The following ADAM18 variants were observed in gnomAD, a reference collection of about 807,000 sequenced individuals.
The protein encoded by ADAM18 is ADAM metallopeptidase domain 18, also known as disintegrin and metalloproteinase domain-containing protein 18.
A neutral mutation model predicts 94.4 loss-of-function variants in ADAM18; 117 were observed. The observed-to-expected ratio is 1.24, with a 90% CI of 1.07 to 1.45. The LOEUF (loss-of-function observed/expected upper bound fraction) is 1.45. Among genes scored for constraint, ADAM18 ranks in the 40% most tolerant of loss-of-function variants. ADAM18 has a pLI of 0.00. For synonymous variants in ADAM18, 327 were observed against 291.6 expected (o/e 1.12, Z -1.24); for missense variants, 936 against 880.0 (o/e 1.06, Z -0.81).
intron 14 of ADAM18, among the ~76,000 whole-genome samples, chr8:39,677,216 AT>A (rs1374611079): frequency 5.3e-5 from 8 of 152,204 alleles, no homozygotes; most frequent in African/African-American, 1.9e-4. Flanking sequence ...TGTTTTAAAA[AT>A]AATATAACTT....
At chr8:39,653,775 A>G (rs1820606458) in intron 12 of ADAM18, among the ~76,000 whole-genome samples, 1 of 152,238 alleles carries the variant, frequency 6.6e-6, no homozygotes, top group Non-Finnish European at 1.5e-5. Flanking sequence ...CATGTATACA[A>G]TGTGAAATGT....
chr8:39,645,579 A>G (rs1820356428), intron 11 of ADAM18, 105 bp downstream of exon 11: 1 of 1,080,122 alleles, frequency 9.3e-7, no homozygotes, highest in Non-Finnish European at 1.3e-6. Context: ...CAATGGCTAG[A>G]AAGTTACATC....
chr8:39,721,924 A>G (rs780901777), intron 18 of ADAM18, among the ~76,000 whole-genome samples: 1 of 151,172 alleles, frequency 6.6e-6, no homozygotes, highest in Non-Finnish European at 1.5e-5. Context: ...AAGAAGAGAA[A>G]TCATTATACA....
chr8:39,584,763 A>G (rs1818347309), intron 1 of ADAM18, 86 bp downstream of exon 1: 2 of 1,470,796 alleles, frequency 1.4e-6, no homozygotes, highest in South Asian at 1.1e-5. Flanking sequence ...TCATTCTGGG[A>G]CCCTCCCCCT....
chr8:39,663,166 T>C (rs1820889830), intron 12 of ADAM18, among the ~76,000 whole-genome samples: 2 of 152,060 alleles, frequency 1.3e-5, no homozygotes, highest in African/African-American at 4.8e-5. Context: ...CCCAAGGATA[T>C]GTTTTGGTGT....
At chr8:39,607,813 GT>G (rs61175960) in intron 3 of ADAM18, among the ~76,000 whole-genome samples, 40,562 of 142,244 alleles carry the variant, frequency 0.29, 5,873 homozygotes, top group African/African-American at 0.36. Context: ...CTGCATTCTG[GT>G]TTTTTTTTTT....
chr8:39,639,388 A>G (rs188727307), intron 10 of ADAM18, among the ~76,000 whole-genome samples: 1 of 152,060 alleles, frequency 6.6e-6, no homozygotes, highest in East Asian at 1.9e-4. Context: ...TTTGCTCAAT[A>G]TTATGTCTAT....
chr8:39,587,320 T>C (rs1169983203), intron 2 of ADAM18, among the ~76,000 whole-genome samples: 1 of 152,256 alleles, frequency 6.6e-6, no homozygotes, highest in Admixed American at 6.5e-5. Flanking sequence ...ACAGCATATC[T>C]CTAGAACTTA....
intron 9 of ADAM18, 98 bp downstream of exon 9, chr8:39,637,801 C>A: frequency 8.5e-7 from 1 of 1,170,412 alleles, no homozygotes; most frequent in Non-Finnish European, 1.1e-6. Context: ...TTGTAAGCCC[C>A]TTTGGAAGTG....
At chr8:39,717,321 T>C (rs1313412368) in intron 18 of ADAM18, among the ~76,000 whole-genome samples, 1 of 151,850 alleles carries the variant, frequency 6.6e-6, no homozygotes, top group Non-Finnish European at 1.5e-5. Context: ...TTTAATACTT[T>C]TGTCTTTTAA....
intron 7 of ADAM18, among the ~76,000 whole-genome samples, chr8:39,634,377 C>T (rs1585920809): frequency 6.6e-6 from 1 of 152,132 alleles, no homozygotes; most frequent in East Asian, 1.9e-4. Context: ...ACCCACAACA[C>T]CCCAGAACTA....
Position 39,604,250 on chromosome 8 carries a change from T to C in ADAM18, c.133-2057T>C, listed in dbSNP as rs116986165. Among the ~76,000 whole-genome samples, 1,106 of 152,310 alleles carry C rather than the reference T, an allele frequency of 7.3e-3. 5 individuals carry two copies. Among genetic ancestry groups the C allele is most frequent in the Non-Finnish European group, 0.013 (882 of 68,016 alleles). On this transcript the variant is annotated intron_variant, in intron 2 of 19. Coordinates refer to ENST00000265707, the MANE Select transcript of ADAM18 (RefSeq NM_014237.3). ...AAAAATTACAAAAAAACATACGAAG[T>C]GCTTCGGACCATACTAGGCATTTGA...
intron 16 of ADAM18, among the ~76,000 whole-genome samples, chr8:39,688,256 A>G (rs1242161033): frequency 6.6e-6 from 1 of 152,050 alleles, no homozygotes; most frequent in African/African-American, 2.4e-5. Flanking sequence ...TTTTAAGTTC[A>G]GGGGTACATG....
intron 6 of ADAM18, among the ~76,000 whole-genome samples, chr8:39,621,878 A>C (rs1392891497): frequency 6.6e-6 from 1 of 152,182 alleles, no homozygotes; most frequent in Non-Finnish European, 1.5e-5. Flanking sequence ...AATGATGAGA[A>C]CACATGGACA....
intron 16 of ADAM18, among the ~76,000 whole-genome samples, chr8:39,681,812 C>T (rs551001797): frequency 6.6e-6 from 1 of 152,194 alleles, no homozygotes; most frequent in South Asian, 2.1e-4. Flanking sequence ...GAAAGCTTAG[C>T]ATATTGTCTT....
At chr8:39,645,307 A>G in intron 10 of ADAM18, 31 bp from the exon 11 acceptor site, 1 of 1,557,398 alleles carries the variant, frequency 6.4e-7, no homozygotes. Flanking sequence ...TTCACACATA[A>G]TAATTTTCTT....
intron 2 of ADAM18, among the ~76,000 whole-genome samples, chr8:39,601,794 C>T (rs1304727874): frequency 6.6e-6 from 1 of 152,166 alleles, no homozygotes; most frequent in East Asian, 1.9e-4. Flanking sequence ...TATTGGAAAA[C>T]TGAATCTGTA....
intron 18 of ADAM18, among the ~76,000 whole-genome samples, chr8:39,718,624 G>A (rs1035040300): frequency 6.6e-6 from 1 of 151,406 alleles, no homozygotes; most frequent in African/African-American, 2.4e-5. Flanking sequence ...AAGATCTAGA[G>A]ATCTGCTGTA....
At chr8:39,611,022 A>T (rs1482597273) in intron 6 of ADAM18, 1 of 1,087,826 alleles carries the variant, frequency 9.2e-7, no homozygotes, top group African/African-American at 1.6e-5. Flanking sequence ...ATTACTTTTA[A>T]TATTTTGTTA....
Sources: gnomAD v4.1 joint callset for allele counts (sites outside exome capture counted in the v4.1 genomes callset) on GRCh38, gnomAD v4.1.1 for gene constraint, MANE v1.5 for transcripts, NCBI Gene and HGNC (gene_info 2026-07-23, HGNC 2026-07-21) for gene names.